Variants in ARHGAP45 observed in about 807,000 individuals in gnomAD.
ARHGAP45 encodes the protein rho GTPase-activating protein 45.
In ARHGAP45, 56 loss-of-function variants were observed where a neutral mutation model predicts 116.1. That is an observed-to-expected ratio of 0.48 (90% CI 0.39 to 0.60). The LOEUF (loss-of-function observed/expected upper bound fraction) is 0.60. Among genes scored for constraint, ARHGAP45 ranks in the 20% least tolerant of loss-of-function variants. ARHGAP45 has a pLI of 0.00. For missense variants in ARHGAP45, 1,622 were observed against 1,601.0 expected (o/e 1.01, Z -0.22); for synonymous variants, 866 against 701.7 (o/e 1.23, Z -3.70).
At chr19:1,079,032 T>G (rs1273580525) in intron 11 of ARHGAP45, among the ~76,000 whole-genome samples, 1 of 151,304 alleles carries the variant, frequency 6.6e-6, no homozygotes, top group African/African-American at 2.4e-5. Context: ...TACAAAAAAT[T>G]AGCTGGGCGT....
chr19:1,079,872 G>A, intron 12 of ARHGAP45, 32 bp downstream of exon 12: 3 of 1,593,196 alleles, frequency 1.9e-6, no homozygotes, highest in East Asian at 2.3e-5. Context: ...CCCGGGCGGG[G>A]ATGGTGGACC....
Position 1,069,713 on chromosome 19 carries a change from G to A in ARHGAP45, c.421+969G>A, listed in dbSNP as rs781696594. Among the ~76,000 whole-genome samples, 44 of 152,250 alleles carry A rather than the reference G, an allele frequency of 2.9e-4. No homozygotes were observed. The highest frequency in any genetic ancestry group is 8.5e-4 in the Admixed American group (13 of 15,302). ...GCTTTCCTGGGGAAACCCTAATCTC[G>A]GTTCCTTTCCGATCCTGGCGCTTCC... On this transcript the variant is annotated intron_variant, in intron 2 of 22. Coordinates refer to ENST00000313093, the MANE Select transcript of ARHGAP45 (RefSeq NM_012292.5). The surrounding 1 kb of genome is among the most constrained non-coding windows in gnomAD (Gnocchi z 4.1).
chr19:1,075,478 C>G (rs898247997), intron 10 of ARHGAP45, among the ~76,000 whole-genome samples: 5 of 152,072 alleles, frequency 3.3e-5, no homozygotes, highest in Admixed American at 6.6e-5. Context: ...CTCCTGACCT[C>G]AGGTGATCCA....
upstream of ARHGAP45, chr19:1,066,244 GAGACTTGGGGA>G: frequency 1.0e-6 from 1 of 998,600 alleles, no homozygotes; most frequent in Non-Finnish European, 1.4e-6. Context: ...GGACAGCAGG[GAGACTTGGGGA>G]GGGGGGAGAG....
chr19:1,082,110 C>T (rs2043455528), intron 19 of ARHGAP45, 149 bp downstream of exon 19: 1 of 806,128 alleles, frequency 1.2e-6, no homozygotes, highest in Admixed American at 2.9e-5. Flanking sequence ...GTGGGCGGGA[C>T]AGTGCCTGGC....
chr19:1,074,975 G>C, intron 10 of ARHGAP45, 96 bp downstream of exon 10: 1 of 1,056,194 alleles, frequency 9.5e-7, no homozygotes, highest in Non-Finnish European at 1.2e-6. Context: ...CCTGCGGCGA[G>C]CTCCGCACAC....
Position 1,081,747 on chromosome 19 carries a change from G to T in ARHGAP45, c.2379+9G>T, listed in dbSNP as rs777836358. ...GGGCGCTGCGCACCAAGGTGAGGCG[G>T]GGGAGGAAGCGGCTCACAGCGAGGA... On this transcript the variant is annotated intron_variant, in intron 18 of 22. Coordinates refer to ENST00000313093, the MANE Select transcript of ARHGAP45 (RefSeq NM_012292.5). The T allele has an allele frequency of 3.8e-6, 6 of 1,560,808 alleles. No individual in the cohort carries two copies. The South Asian group carries it at 4.6e-5, about 12-fold the overall frequency.
upstream of ARHGAP45, chr19:1,066,058 G>A: frequency 6.5e-7 from 1 of 1,535,702 alleles, no homozygotes; most frequent in East Asian, 2.4e-5. Context: ...TCAAGGGTCT[G>A]CTGGGCTGGG....
At position 1,085,881 on chromosome 19, in the gene ARHGAP45, C is replaced by A. The variant is rs766117066; in HGVS notation, c.3286C>A (p.Gln1096Lys). Residue 1096 changes from glutamine to lysine, a missense_variant, in exon 23 of 23, where the codon CAG (glutamine) becomes AAG (lysine). This residue lies in a region of ARHGAP45 where 1,334 missense variants were observed against 1,263.8 expected (regional missense o/e 1.06). Transcript: ENST00000313093. ...CGGGGACGAGGACGGCCCGGCCCAG[C>A]AGCTCTCAGGATTCAACACCAACCA... is the stretch of plus-strand genomic sequence containing the variant. ...GDGDEDGPAQ[Q>K]LSGFNTNQSN... 6 of 1,612,514 alleles carry A rather than the reference C, an allele frequency of 3.7e-6. No individual in the cohort carries two copies. The highest frequency in any genetic ancestry group is 1.1e-5 in the South Asian group (1 of 91,086).
At chr19:1,074,309 G>T (rs760660422) in intron 7 of ARHGAP45, 34 bp from the exon 8 acceptor site, 2 of 1,611,978 alleles carry the variant, frequency 1.2e-6, no homozygotes, top group Non-Finnish European at 1.7e-6. Context: ...GGAAGGCCTT[G>T]TCCCAGCACC....
chr19:1,070,329 CTTTTTTT>C (rs1172163710), intron 2 of ARHGAP45, among the ~76,000 whole-genome samples: 2 of 93,272 alleles, frequency 2.1e-5, no homozygotes, highest in African/African-American at 4.5e-5. Context: ...CTTTTCTTTT[CTTTTTTT>C]TTTTTTTTTT....
At chr19:1,074,908 G>A in intron 10 of ARHGAP45, 29 bp downstream of exon 10, 1 of 990,498 alleles carries the variant, frequency 1.0e-6, no homozygotes, top group African/African-American at 1.6e-5. Context: ...GGCGGGCGGG[G>A]GCGGGCAGCG....
intron 11 of ARHGAP45, among the ~76,000 whole-genome samples, chr19:1,078,743 G>A (rs993686817): frequency 1.5e-4 from 23 of 151,518 alleles, no homozygotes; most frequent in African/African-American, 5.6e-4. Context: ...TTGAGACAGT[G>A]TCTTGTTCTG....
chr19:1,075,395 C>T (rs933409318), intron 10 of ARHGAP45, among the ~76,000 whole-genome samples: 1 of 151,998 alleles, frequency 6.6e-6, no homozygotes, highest in African/African-American at 2.4e-5. Context: ...CAGAAGCACG[C>T]CACCACACCT....
At chr19:1,067,597 C>A in intron 1 of ARHGAP45, 102 bp downstream of exon 1, 1 of 1,138,666 alleles carries the variant, frequency 8.8e-7, no homozygotes, top group Non-Finnish European at 1.3e-6. Context: ...GCTGGGGGCT[C>A]GTGCCAGCTA....
Position 1,085,751 on chromosome 19 carries a change from C to T in ARHGAP45, c.3156C>T (p.Leu1052=). ...CGGAGGCCAGTGCCCTGGGCCACCT[C>T]AGCTTCCTGGAGCAGCAGCAGAGCG... ...SSSEASALGH[L]SFLEQQQSEA... is the part of the protein sequence containing the mutation. Residue 1052 remains leucine, a synonymous_variant, in exon 23 of 23, where the codon CTC becomes CTT. Transcript: ENST00000313093. 1 of 1,612,436 alleles carries T rather than the reference C, an allele frequency of 6.2e-7. No homozygotes were observed. The highest frequency in any genetic ancestry group is 8.5e-7 in the Non-Finnish European group (1 of 1,179,740).
rs766187310 is a variant in ARHGAP45 at position 1,074,254 on chromosome 19, G to A, written c.928+13G>A. The A allele has an allele frequency of 1.4e-5, 22 of 1,612,410 alleles. No homozygotes were observed. The highest frequency in any genetic ancestry group is 1.8e-5 in the Non-Finnish European group (21 of 1,179,630). Reference sequence around the variant, plus strand: ...CGGACGACGCTGGGTGAGAGCTGGTGTCCCAGCAGGGTGGGTCTGGAGGGA... The same window carrying A: ...CGGACGACGCTGGGTGAGAGCTGGTATCCCAGCAGGGTGGGTCTGGAGGGA... On this transcript the variant is annotated intron_variant, in intron 7 of 22. Coordinates refer to ENST00000313093, the MANE Select transcript of ARHGAP45 (RefSeq NM_012292.5).
chr19:1,080,193 A>G, intron 13 of ARHGAP45, 62 bp from the exon 14 acceptor site: 1 of 1,610,412 alleles, frequency 6.2e-7, no homozygotes, highest in Non-Finnish European at 8.5e-7. Context: ...TGTCGGGGGC[A>G]TGAAGATGAA....
At position 1,079,753 on chromosome 19, in the gene ARHGAP45, G is replaced by T. The variant is rs770074601; in HGVS notation, c.1425G>T (p.Thr475=). ...TYRTCVADAK[T]QKQELEDTKV... is the part of the protein sequence containing the mutation. ...GCACCTGCGTGGCCGACGCGAAGAC[G>T]CAGAAGCAGGAGCTGGAGGATACCA... The change falls in exon 12 of 23, where the codon ACG becomes ACT. Residue 475 remains threonine, a synonymous_variant. Coordinates refer to ENST00000313093, the MANE Select transcript of ARHGAP45 (RefSeq NM_012292.5). 5 of 1,612,458 alleles carry T rather than the reference G, an allele frequency of 3.1e-6. No homozygotes were observed. The highest frequency in any genetic ancestry group is 3.4e-6 in the Non-Finnish European group (4 of 1,179,714).
Sources: allele counts gnomAD v4.1 joint callset (sites outside exome capture counted in the v4.1 genomes callset), GRCh38; gene constraint gnomAD v4.1.1; regional missense constraint gnomAD v4.1.1; non-coding constraint Gnocchi (gnomAD v3.1); transcripts MANE v1.5; gene names NCBI Gene and HGNC (gene_info 2026-07-23, HGNC 2026-07-21).